The following NXF3 variants were observed in gnomAD, a reference collection of about 807,000 sequenced individuals.
NXF3 encodes TAP-like protein 3.
NXF3 carries 34 observed loss-of-function variants against 48.4 expected under a neutral mutation model. The ratio of observed to expected loss-of-function variants is 0.70; its 90% CI spans 0.53 to 0.93. The LOEUF (loss-of-function observed/expected upper bound fraction) is 0.93. NXF3 is among the 40% of genes least tolerant of loss of function. The pLI is 0.00. For synonymous variants in NXF3, 132 were observed against 145.7 expected (o/e 0.91, Z 0.68); for missense variants, 359 against 406.1 (o/e 0.88, Z 1.00).
intron 1 of NXF3, among the ~76,000 whole-genome samples, chrX:103,091,782 G>A (rs1341602178): frequency 5.5e-5 from 6 of 109,937 alleles, no homozygotes; most frequent in African/African-American, 1.3e-4. Flanking sequence ...TCAGGAGATC[G>A]AGACCATCCT....
rs763020561 is a variant in NXF3, at chrX:103,077,647, G to A, written c.1551C>T (p.Ser517=). Residue 517 remains serine, a synonymous_variant, in exon 18 of 20, where the codon TCC becomes TCT. Transcript: ENST00000395065. ...FTLVPTAFSS[S]VPAFSQEQQK... is the part of the protein sequence containing the mutation. The stretch of plus-strand genomic sequence containing the variant: ...GCTGCTCCTGGGAGAAGGCAGGCAC[G>A]GAGCTGGAGAAGGCTGTGGGCACTA... 7 of 1,209,342 alleles carry A rather than the reference G, an allele frequency of 5.8e-6. No individual in the cohort carries two copies. The highest frequency in any genetic ancestry group is 2.2e-5 in the Admixed American group (1 of 45,659).
At chrX:103,087,411 G>T in intron 1 of NXF3, 1 of 1,149,763 alleles carries the variant, frequency 8.7e-7, no homozygotes, top group Non-Finnish European at 1.2e-6. Flanking sequence ...ATCTGGAGAG[G>T]CATCAGCTAA....
rs1440732639 is a variant in NXF3, at chrX:103,085,825, C to T, written c.29-942G>A. ...GGCTGAGGCAGGAGAGTGGCGTGAGCCCAGGAGGCAGAGCTTGCAGTGAGC... is the reference window on the plus strand; with the variant it reads ...GGCTGAGGCAGGAGAGTGGCGTGAGTCCAGGAGGCAGAGCTTGCAGTGAGC... On this transcript the variant is annotated intron_variant, in intron 1 of 19. Coordinates refer to ENST00000395065, the MANE Select transcript of NXF3 (RefSeq NM_022052.2). 3.9e-5 allele frequency among the ~76,000 whole-genome samples: 4 copies of T among 103,490 alleles called. No homozygotes were observed. In the East Asian group the frequency reaches 1.2e-3, roughly 32 times the overall value. The allele number at this position is 103,490 out of a possible 115,157, so 89.9% of individuals were successfully genotyped here.
At chrX:103,080,704 G>A (rs1187555071) in intron 9 of NXF3, 92 bp from the exon 10 acceptor site, 2 of 848,985 alleles carry the variant, frequency 2.4e-6, no homozygotes, top group African/African-American at 4.0e-5. Context: ...CAGAGACACA[G>A]TGCAGTGTGT....
chrX:103,078,499 C>G (rs1340857682), intron 17 of NXF3, 61 bp downstream of exon 17: 54 of 1,203,427 alleles, frequency 4.5e-5, no homozygotes, highest in Non-Finnish European at 5.7e-5. Context: ...TGCACCACCA[C>G]ATTCCCACAC....
chrX:103,083,645 A>C lies in NXF3; in HGVS notation c.399T>G (p.Ile133Met). 8.3e-7 allele frequency: 1 copy of C among 1,210,185 alleles called. No homozygotes were observed. The highest frequency in any genetic ancestry group is 1.7e-5 in the African/African-American group (1 of 57,712). The change falls in exon 4 of 20, where the codon ATT (isoleucine) becomes ATG (methionine). Residue 133 changes from isoleucine (I) to methionine (M), a missense_variant. Physicochemically the swap from Ile to Met is conservative, Grantham distance 10. Transcript: ENST00000395065. The part of the protein sequence containing the change: ...KYNEKWLLNL[I>M]QNECSVPFVP... Reference sequence around the variant, plus strand: ...CGAAGGGTACACTGCATTCATTCTGAATCAAATTCAGCAGCCACTTCTCAT... The same window carrying C: ...CGAAGGGTACACTGCATTCATTCTGCATCAAATTCAGCAGCCACTTCTCAT...
intron 14 of NXF3, 26 bp downstream of exon 14, chrX:103,079,558 C>A: frequency 8.3e-7 from 1 of 1,204,220 alleles, no homozygotes; most frequent in Non-Finnish European, 1.1e-6. Flanking sequence ...CCTTACCCTG[C>A]CCAGACTTCT....
At chrX:103,081,946 G>T in intron 9 of NXF3, 1 of 290,937 alleles carries the variant, frequency 3.4e-6, no homozygotes, top group Non-Finnish European at 6.2e-6. Flanking sequence ...ACCAGCACCT[G>T]AATACTGCTG....
At position 103,076,224 on chromosome X, in the gene NXF3, G is replaced by C; in HGVS notation, c.*49+17C>G. ...CACCCAACCTCTGCTCACTTGGCCT[G>C]AATTCCTAGACCTCACCTTGGGCCA... On this transcript the variant is annotated intron_variant, in intron 19 of 19. Transcript: ENST00000395065. 1 of 1,170,893 alleles carries C rather than the reference G, an allele frequency of 8.5e-7. No individual in the cohort carries two copies. Among genetic ancestry groups the C allele is most frequent in the Non-Finnish European group, 1.2e-6 (1 of 858,811 alleles).
chrX:103,086,187 G>A (rs1922150359), intron 1 of NXF3, among the ~76,000 whole-genome samples: 1 of 103,707 alleles, frequency 9.6e-6, no homozygotes, highest in African/African-American at 3.4e-5. Flanking sequence ...TTGGGAGGCC[G>A]AGATGGGCGG....
Position 103,083,409 on chromosome X carries a change from C to A in NXF3, c.529G>T (p.Asp177Tyr). The change falls in exon 5 of 20, where the codon GAT becomes TAT. Residue 177 changes from aspartate (D) to tyrosine (Y), a missense_variant. By Grantham distance (160) the Asp-to-Tyr change is radical. Coordinates refer to ENST00000395065, the MANE Select transcript of NXF3 (RefSeq NM_022052.2). ...KNVSGKIWDE[D>Y]NEKISIFVNP... ...CATTTGACACACACCTTTTCATTAT[C>A]CTCATCCCAAATCTTGCCACTGACA... 1 of 1,207,355 alleles carries A rather than the reference C, an allele frequency of 8.3e-7. No individual in the cohort carries two copies.
rs1273645561 is a variant in NXF3 at position 103,084,451 on chromosome X, C to T, written c.242G>A (p.Arg81His). ...GTTAACGTGGGTTTGGTCTTGTTTA[C>T]GAAAACTGCCTTTCCGATTATAGGG... ...ISPYNRKGSFRKQDQTHVNME... is the reference protein window; with the variant it reads ...ISPYNRKGSFHKQDQTHVNME... Residue 81 changes from arginine (R) to histidine (H), a missense_variant, in exon 3 of 20, where the codon CGT becomes CAT. Coordinates refer to ENST00000395065, the MANE Select transcript of NXF3 (RefSeq NM_022052.2). The T allele has an allele frequency of 4.1e-6, 5 of 1,209,645 alleles. No homozygotes were observed. The highest frequency in any genetic ancestry group is 5.6e-6 in the Non-Finnish European group (5 of 895,102).
At chrX:103,082,661 G>T in intron 8 of NXF3, 99 bp downstream of exon 8, 1 of 692,594 alleles carries the variant, frequency 1.4e-6, no homozygotes, top group Non-Finnish European at 2.3e-6. Flanking sequence ...TAAGAACTAA[G>T]AGTGAAGGCC....
At chrX:103,092,235 G>GT (rs371413249) in intron 1 of NXF3, among the ~76,000 whole-genome samples, 10,753 of 107,711 alleles carry the variant, frequency 0.1, 1,174 homozygotes, top group African/African-American at 0.32. Flanking sequence ...TAGAATTATT[G>GT]TTTTTTTTTG....
At chrX:103,077,818 C>G in intron 17 of NXF3, 72 bp from the exon 18 acceptor site, 1 of 1,134,732 alleles carries the variant, frequency 8.8e-7, no homozygotes, top group East Asian at 3.1e-5. Flanking sequence ...GATCTTTTTC[C>G]TACTGTTCAG....
chrX:103,088,610 A>G, intron 1 of NXF3: 1 of 972,199 alleles, frequency 1.0e-6, no homozygotes, highest in Non-Finnish European at 1.4e-6. Context: ...AAACATACGT[A>G]CTAGACATAA....
intron 6 of NXF3, 22 bp from the exon 7 acceptor site, chrX:103,083,095 T>G: frequency 8.3e-7 from 1 of 1,205,212 alleles, no homozygotes; most frequent in Non-Finnish European, 1.1e-6. Flanking sequence ...GAGATGGGTT[T>G]CAGAGGCTCT....
Position 103,077,844 on chromosome X carries a change from G to A in NXF3, c.1452-98C>T, listed in dbSNP as rs1025901709. On this transcript the variant is annotated intron_variant, in intron 17 of 19. Transcript: ENST00000395065. ...TACTGTTCAGCAACCTGATTTCTTC[G>A]ATACCTCTACTGTGCCTCCCTCCTA... The A allele has an allele frequency of 1.9e-5, 19 of 995,456 alleles. No homozygotes were observed. The Admixed American group carries it at 3.8e-4, about 20-fold the overall frequency. 82.0% of individuals were successfully genotyped at this position (995,456 alleles called of 1,213,427 possible). A position where few individuals can be genotyped will look rare whatever the true frequency, so the allele number is the denominator to read the frequency against.
At chrX:103,082,203 C>T (rs1007704082) in intron 9 of NXF3, 52 bp downstream of exon 9, 4 of 827,941 alleles carry the variant, frequency 4.8e-6, no homozygotes, top group African/African-American at 4.0e-5. Context: ...TGCAGAAGGG[C>T]GCTATCAAAC....
Sources: allele counts gnomAD v4.1 joint callset (sites outside exome capture counted in the v4.1 genomes callset), GRCh38; gene constraint gnomAD v4.1.1; transcripts MANE v1.5; gene names NCBI Gene and HGNC (gene_info 2026-07-23, HGNC 2026-07-21).